The following IL17REL variants were observed in gnomAD, a reference collection of about 807,000 sequenced individuals.
IL17REL encodes interleukin-17 receptor E-like protein.
In IL17REL, 36 loss-of-function variants were observed where a neutral mutation model predicts 49.0. The ratio of observed to expected loss-of-function variants is 0.73; its 90% CI spans 0.56 to 0.97. The LOEUF (loss-of-function observed/expected upper bound fraction) is 0.97. Ranked by LOEUF, IL17REL falls within the 50% of genes least tolerant of loss-of-function variation. The probability of loss-of-function intolerance (pLI) is 0.00; values close to 1 mark genes in which losing one functional copy is unlikely to be tolerated. For missense variants in IL17REL, 470 were observed against 453.9 expected, an observed-to-expected ratio of 1.04 and a Z score of -0.32; for synonymous variants, 206 against 192.4, an observed-to-expected ratio of 1.07 and a Z score of -0.58.
At chr22:50,010,942 C>CGGCCCCA (rs1319069735), upstream of IL17REL, among the ~76,000 whole-genome samples, 1 of 151,874 alleles carries the variant, frequency 6.6e-6, no homozygotes, top group Non-Finnish European at 1.5e-5. Flanking sequence ...CGGCTGCTCG[C>CGGCCCCA]GGCCCCACCC....
chr22:49,998,860 C>T (rs889932659), intron 7 of IL17REL, among the ~76,000 whole-genome samples: 10 of 146,108 alleles, frequency 6.8e-5, no homozygotes, highest in Non-Finnish European at 9.0e-5. Flanking sequence ...TGTGTATGGG[C>T]GTGTATGTTC....
chr22:49,993,612 G>T (rs1429542764), downstream of IL17REL, among the ~76,000 whole-genome samples: 1 of 152,172 alleles, frequency 6.6e-6, no homozygotes, highest in Non-Finnish European at 1.5e-5. This position sits in a 1 kb window ranked among gnomAD's most constrained non-coding sequence, Gnocchi z 6.0. Context: ...CAGTAGGACA[G>T]CTGAGATCTG....
chr22:49,998,126 C>T lies in IL17REL; in HGVS notation c.774+11G>A, dbSNP rs1601885469. The T allele has an allele frequency of 4.4e-6, 7 of 1,599,664 alleles. No homozygotes were observed. Among genetic ancestry groups the T allele is most frequent in the Non-Finnish European group, 6.0e-6 (7 of 1,173,278 alleles). ...CATGCCCACCCCCATCCCTGCTGAGCAGGCACTCACTCTGCGATGCACCAG... is the reference window on the plus strand; with the variant it reads ...CATGCCCACCCCCATCCCTGCTGAGTAGGCACTCACTCTGCGATGCACCAG... On this transcript the variant is annotated intron_variant, in intron 8 of 12. Transcript: ENST00000341280.
intron 1 of IL17REL, among the ~76,000 whole-genome samples, chr22:50,001,871 C>G (rs1367660946): frequency 6.6e-6 from 1 of 152,234 alleles, no homozygotes; most frequent in Non-Finnish European, 1.5e-5. Context: ...CCCAGCTGTT[C>G]CACAGGAGGA....
At chr22:49,995,905 A>G (rs2061031482) in exon 13 of IL17REL, 1 of 152,212 alleles carries the variant, frequency 6.6e-6, no homozygotes. Flanking sequence ...CCAGCATAGC[A>G]TGGGCACTCC....
intron 1 of IL17REL, among the ~76,000 whole-genome samples, chr22:50,004,349 T>A (rs1353205477): frequency 6.6e-6 from 1 of 152,154 alleles, no homozygotes. Flanking sequence ...AAACACTGTA[T>A]TTCTATATAC....
chr22:50,005,344 C>T (rs748991068), intron 1 of IL17REL, among the ~76,000 whole-genome samples: 17 of 152,154 alleles, frequency 1.1e-4, no homozygotes, highest in East Asian at 9.7e-4. Flanking sequence ...ACTGAAAAAA[C>T]GCCTAACAGA....
intron 1 of IL17REL, among the ~76,000 whole-genome samples, chr22:50,003,436 G>A (rs989129776): frequency 6.8e-6 from 1 of 146,918 alleles, no homozygotes; most frequent in Admixed American, 7.0e-5. Context: ...CAGGAGAATC[G>A]CTTGAACCCA....
At chr22:49,996,946 C>G in intron 12 of IL17REL, 48 bp downstream of exon 14, 1 of 970,534 alleles carries the variant, frequency 1.0e-6, no homozygotes, top group East Asian at 2.7e-5. Context: ...AACTGAGGTC[C>G]TGCAGTGGAG....
chr22:49,999,671 C>A (rs1384179632), intron 5 of IL17REL, among the ~76,000 whole-genome samples, 157 bp downstream of exon 7: 1 of 102,552 alleles, frequency 9.8e-6, no homozygotes, highest in Non-Finnish European at 2.1e-5. Context: ...TGGCCGGGGG[C>A]GGGGCGCGGA....
exon 12 of IL17REL, chr22:49,997,018 G>A: frequency 6.5e-7 from 1 of 1,544,142 alleles, no homozygotes; most frequent in Non-Finnish European, 8.7e-7. Context: ...CTGGGGCACA[G>A]GCCTCCTCCC....
chr22:50,004,504 C>T (rs1445323708), intron 1 of IL17REL, among the ~76,000 whole-genome samples: 1 of 152,092 alleles, frequency 6.6e-6, no homozygotes, highest in Non-Finnish European at 1.5e-5. Flanking sequence ...GGAGCATCAT[C>T]CCCGGGGCTT....
At chr22:50,003,830 T>C (rs2061092702) in intron 1 of IL17REL, among the ~76,000 whole-genome samples, 1 of 152,162 alleles carries the variant, frequency 6.6e-6, no homozygotes, top group Non-Finnish European at 1.5e-5. Context: ...GGATCCCTGC[T>C]CTTCTCACTT....
chr22:50,003,075 T>A (rs1348427472), intron 1 of IL17REL, among the ~76,000 whole-genome samples: 1 of 152,066 alleles, frequency 6.6e-6, no homozygotes, highest in African/African-American at 2.4e-5. Context: ...GAAACTGGGA[T>A]AGAGAGTCTG....
downstream of IL17REL, among the ~76,000 whole-genome samples, chr22:49,993,827 G>T (rs1203742817): frequency 6.6e-6 from 1 of 152,258 alleles, no homozygotes; most frequent in East Asian, 1.9e-4. The surrounding 1 kb of genome is among the most constrained non-coding windows in gnomAD (Gnocchi z 6.0). Context: ...TCAGAGCAGG[G>T]GTCTTTGTGC....
Position 50,000,945 on chromosome 22 carries a change from C to T in IL17REL, c.110-82G>A. 18 of 1,301,602 alleles carry T rather than the reference C, an allele frequency of 1.4e-5. 2 individuals carry two copies. The South Asian group carries it at 2.6e-4, about 19-fold the overall frequency. 80.6% of individuals were successfully genotyped at this position (1,301,602 alleles called of 1,614,324 possible). Reference sequence around the variant, plus strand: ...GACGGGGCCGTGGGACCCTGTTCCTCTGCCTTCTCTCTGTGAAGTGCGGTT... The same window carrying T: ...GACGGGGCCGTGGGACCCTGTTCCTTTGCCTTCTCTCTGTGAAGTGCGGTT... On this transcript the variant is annotated intron_variant, in intron 2 of 12. Coordinates refer to ENST00000341280, the Ensembl canonical transcript of IL17REL.
chr22:49,999,429 A>G lies in IL17REL; in HGVS notation c.546+2T>C, dbSNP rs776885429. The G allele has an allele frequency of 6.2e-7, 1 of 1,611,766 alleles. No homozygotes were observed. The highest frequency in any genetic ancestry group is 8.5e-7 in the Non-Finnish European group (1 of 1,179,648). ...CCAAGTCCAGGCCACACCTCCACCG[A>G]CCTCCAGGCACAGGCACGGCAGCTC... On this transcript the variant is annotated splice_donor_variant, in intron 6 of 12. Coordinates refer to ENST00000341280, the Ensembl canonical transcript of IL17REL. LOFTEE classifies it high-confidence loss of function.
At chr22:50,005,865 G>A (rs1281256876) in intron 1 of IL17REL, among the ~76,000 whole-genome samples, 3 of 151,792 alleles carry the variant, frequency 2.0e-5, no homozygotes, top group Non-Finnish European at 4.4e-5. Flanking sequence ...AACACCCTGG[G>A]ACTACACTTC....
At chr22:50,001,336 C>T (rs2061079203) in intron 1 of IL17REL, 105 bp from the exon 3 acceptor site, 1 of 599,932 alleles carries the variant, frequency 1.7e-6, no homozygotes, top group Non-Finnish European at 3.0e-6. Flanking sequence ...GCAGTCTTTG[C>T]CAGGGGGTCT....
Sources: allele counts gnomAD v4.1 joint callset (sites outside exome capture counted in the v4.1 genomes callset), GRCh38; gene constraint gnomAD v4.1.1; non-coding constraint Gnocchi (gnomAD v3.1); transcripts MANE v1.5; gene names NCBI Gene and HGNC (gene_info 2026-07-23, HGNC 2026-07-21).